The following GTF3C6 variants were observed in gnomAD, a reference collection of about 807,000 sequenced individuals.
GTF3C6 encodes general transcription factor 3C polypeptide 6.
GTF3C6 carries 11 observed loss-of-function variants against 19.2 expected under a neutral mutation model. The ratio of observed to expected loss-of-function variants is 0.57; its 90% CI spans 0.36 to 0.95. The LOEUF (loss-of-function observed/expected upper bound fraction) is 0.95. Ranked by LOEUF, GTF3C6 falls within the 40% of genes least tolerant of loss-of-function variation. The probability of loss-of-function intolerance (pLI) is 0.01; values close to 1 mark genes in which losing one functional copy is unlikely to be tolerated. For synonymous variants in GTF3C6, 87 were observed against 84.2 expected, an observed-to-expected ratio of 1.03 and a Z score of -0.18; for missense variants, 222 against 254.7, an observed-to-expected ratio of 0.87 and a Z score of 0.87.
chr6:110,963,210 C>T (rs1206962176), intron 5 of GTF3C6, among the ~76,000 whole-genome samples: 1 of 152,106 alleles, frequency 6.6e-6, no homozygotes, highest in Non-Finnish European at 1.5e-5. Flanking sequence ...AGCCACTGTG[C>T]CTGGCCTCAT....
intron 5 of GTF3C6, among the ~76,000 whole-genome samples, chr6:110,962,911 TG>T (rs1308396491): frequency 6.6e-6 from 1 of 152,150 alleles, no homozygotes; most frequent in Admixed American, 6.5e-5. Flanking sequence ...CCGGAGTAGC[TG>T]GGACTACAGG....
Position 110,967,529 on chromosome 6 carries a change from A to G in GTF3C6, c.381A>G (p.Gln127=). The G allele has an allele frequency of 1.9e-6, 3 of 1,611,636 alleles. No homozygotes were observed. The highest frequency in any genetic ancestry group is 2.5e-6 in the Non-Finnish European group (3 of 1,178,564). Residue 127 remains glutamine (Q), a synonymous_variant, in exon 6 of 6, where the codon CAA becomes CAG. Transcript: ENST00000329970. Reference sequence around the variant, plus strand: ...AATTAGGTGGGGTGGAATGGCTGCAAATAAAGGATAATGATTTCTCCTATC... The same window carrying G: ...AATTAGGTGGGGTGGAATGGCTGCAGATAAAGGATAATGATTTCTCCTATC... The part of the protein sequence containing the change: ...EENIGGVEWL[Q]IKDNDFSYRP...
intron 4 of GTF3C6, among the ~76,000 whole-genome samples, chr6:110,962,106 G>A (rs1423859892): frequency 2.6e-5 from 4 of 152,060 alleles, no homozygotes; most frequent in Admixed American, 2.6e-4. Flanking sequence ...ATTTCATCAT[G>A]TTGGCCAGGC....
chr6:110,959,075 C>G, intron 1 of GTF3C6, 97 bp from the exon 2 acceptor site: 1 of 953,578 alleles, frequency 1.0e-6, no homozygotes, highest in Non-Finnish European at 1.7e-6. Context: ...AAAACAGGGT[C>G]CGGTTTTCAC....
Position 110,962,425 on chromosome 6 carries a change from A to C in GTF3C6, c.281A>C (p.Lys94Thr), listed in dbSNP as rs573943939. ...DTEGNNKTVLKYKCHTMKKLS... is the reference protein window; with the variant it reads ...DTEGNNKTVLTYKCHTMKKLS... ...GAAGGCAATAATAAAACAGTGCTAA[A>C]ATATAAATGCCATACAATGAAGAAG... Residue 94 changes from lysine (K) to threonine (T), a missense_variant, in exon 5 of 6, where the codon AAA (lysine) becomes ACA (threonine). By Grantham distance (78) the Lys-to-Thr change is moderately conservative. Transcript: ENST00000329970. The C allele has an allele frequency of 1.9e-6, 3 of 1,609,152 alleles. No homozygotes were observed. The highest frequency in any genetic ancestry group is 4.5e-5 in the East Asian group (2 of 44,852).
At chr6:110,964,308 G>A (rs1223531199) in intron 5 of GTF3C6, among the ~76,000 whole-genome samples, 4 of 151,462 alleles carry the variant, frequency 2.6e-5, no homozygotes, top group Non-Finnish European at 4.4e-5. Context: ...GCAGTGGCGC[G>A]ATCTCTGCTT....
Position 110,960,112 on chromosome 6 carries a change from C to A in GTF3C6, c.139-302C>A, listed in dbSNP as rs1771140987. 2.0e-5 allele frequency among the ~76,000 whole-genome samples: 3 copies of A among 152,078 alleles called. No homozygotes were observed. The South Asian group carries it at 6.2e-4, about 31-fold the overall frequency. ...TGGGTGACAGAGCTAGACACTGTCT[C>A]AAAAAATAAATAGATGACAGATAGA... On this transcript the variant is annotated intron_variant, in intron 2 of 5. Coordinates refer to ENST00000329970, the MANE Select transcript of GTF3C6 (RefSeq NM_138408.4).
intron 4 of GTF3C6, 74 bp downstream of exon 4, chr6:110,960,690 G>A (rs1583246486): frequency 2.0e-6 from 2 of 1,016,388 alleles, no homozygotes; most frequent in East Asian, 2.6e-5. Context: ...AATATCTCAT[G>A]TATCCACTGT....
intron 5 of GTF3C6, 28 bp downstream of exon 5, chr6:110,962,533 G>T (rs940969418): frequency 8.3e-7 from 1 of 1,210,434 alleles, no homozygotes; most frequent in African/African-American, 1.5e-5. Flanking sequence ...CTGAAAACAG[G>T]TGATCCAGTA....
intron 4 of GTF3C6, among the ~76,000 whole-genome samples, 200 bp downstream of exon 4, chr6:110,960,816 C>T (rs1358963250): frequency 6.6e-6 from 1 of 151,812 alleles, no homozygotes; most frequent in East Asian, 1.9e-4. Context: ...TTTGGGAGGC[C>T]AAGGCAGGCA....
chr6:110,959,669 T>TA (rs111788821), intron 2 of GTF3C6, among the ~76,000 whole-genome samples: 15 of 150,346 alleles, frequency 1.0e-4, no homozygotes, highest in Non-Finnish European at 1.6e-4. Context: ...AAAATAATAA[T>TA]AAAAAAAAAT....
At chr6:110,961,291 C>T (rs1220656182) in intron 4 of GTF3C6, among the ~76,000 whole-genome samples, 2 of 151,744 alleles carry the variant, frequency 1.3e-5, no homozygotes, top group East Asian at 4.0e-4. Flanking sequence ...GCTGGGATTA[C>T]AGGCGCCTGC....
intron 4 of GTF3C6, among the ~76,000 whole-genome samples, chr6:110,961,564 C>T (rs1200498383): frequency 1.3e-5 from 2 of 152,196 alleles, no homozygotes; most frequent in Non-Finnish European, 2.9e-5. Context: ...ATATCCTTGG[C>T]TCAAGGGCCT....
chr6:110,964,842 T>C (rs950374824), intron 5 of GTF3C6, among the ~76,000 whole-genome samples: 2 of 150,728 alleles, frequency 1.3e-5, no homozygotes, highest in African/African-American at 4.9e-5. Context: ...TTTCTTTTTT[T>C]TTTTTTTGGA....
At chr6:110,960,763 AT>A (rs1442273674) in intron 4 of GTF3C6, 147 bp downstream of exon 4, 1 of 735,002 alleles carries the variant, frequency 1.4e-6, no homozygotes, top group Non-Finnish European at 2.2e-6. Flanking sequence ...AAAAAAAAAA[AT>A]GCCAGGCTGG....
At chr6:110,960,785 T>C (rs1583246544) in intron 4 of GTF3C6, among the ~76,000 whole-genome samples, 169 bp downstream of exon 4, 1 of 151,430 alleles carries the variant, frequency 6.6e-6, no homozygotes, top group Middle Eastern at 3.5e-3. Flanking sequence ...GCCAGGTGGC[T>C]CAATCCTGTA....
intron 2 of GTF3C6, among the ~76,000 whole-genome samples, chr6:110,959,839 C>T (rs1330361175): frequency 6.6e-6 from 1 of 151,860 alleles, no homozygotes; most frequent in Non-Finnish European, 1.5e-5. Flanking sequence ...CGCCTGTAAT[C>T]CCAGCTACTC....
Position 110,967,637 on chromosome 6 carries a change from G to A in GTF3C6, c.489G>A (p.Leu163=). 1 of 1,614,078 alleles carries A rather than the reference G, an allele frequency of 6.2e-7. No homozygotes were observed. The highest frequency in any genetic ancestry group is 8.5e-7 in the Non-Finnish European group (1 of 1,180,008). ...CAGCCCCAGATAAATCTTTGGAATT[G>A]GAAGAGGAAGAGATTCAAATGAACG... ...VASAPDKSLE[L]EEEEIQMNDS... Residue 163 remains leucine (L), a synonymous_variant, in exon 6 of 6, where the codon TTG becomes TTA. Transcript: ENST00000329970.
Position 110,959,169 on chromosome 6 carries a change from C to T in GTF3C6, c.58-3C>T, listed in dbSNP as rs1210318842. 1 of 1,605,712 alleles carries T rather than the reference C, an allele frequency of 6.2e-7. No homozygotes were observed. Among genetic ancestry groups the T allele is most frequent in the Admixed American group, 1.7e-5 (1 of 59,894 alleles). On this transcript the variant is annotated splice_polypyrimidine_tract_variant and splice_region_variant and intron_variant, in intron 1 of 5. Coordinates refer to ENST00000329970, the MANE Select transcript of GTF3C6 (RefSeq NM_138408.4). The stretch of plus-strand genomic sequence containing the variant: ...GCATGTTAACCCCTCTTTCTTTCAC[C>T]AGGAGCAGTTGGTTCTGGTGGAATT...
Sources: allele counts gnomAD v4.1 joint callset (sites outside exome capture counted in the v4.1 genomes callset), GRCh38; gene constraint gnomAD v4.1.1; transcripts MANE v1.5; gene names NCBI Gene and HGNC (gene_info 2026-07-23, HGNC 2026-07-21).